FRMD4A: variants seen among roughly 807,000 people sequenced by gnomAD.
The protein encoded by FRMD4A is FERM domain-containing protein 4A.
A neutral mutation model predicts 129.1 loss-of-function variants in FRMD4A; 29 were observed. The observed-to-expected ratio is 0.22, with a 90% CI of 0.17 to 0.31. The LOEUF (loss-of-function observed/expected upper bound fraction) is 0.31. Among genes scored for constraint, FRMD4A ranks in the 10% least tolerant of loss-of-function variants. The pLI is 1.00. For missense variants in FRMD4A, 1,272 were observed against 1,375.8 expected (o/e 0.92, Z 1.19); for synonymous variants, 634 against 571.6 (o/e 1.11, Z -1.56).
rs552892332 is a variant in FRMD4A, at chr10:13,707,850, G to A, written c.760-737C>T. ...AGGGAGGGTGAGAAGTGGAATGAAG[G>A]GGCCCTGGCGGTCATTCCTCCTTCG... On this transcript the variant is annotated intron_variant, in intron 12 of 24. Coordinates refer to ENST00000357447, the MANE Select transcript of FRMD4A (RefSeq NM_018027.5). The A allele has an allele frequency of 5.2e-5, 51 of 985,310 alleles. No individual in the cohort carries two copies. In the South Asian group the frequency reaches 1.8e-3, roughly 35 times the overall value. 61.0% of individuals were successfully genotyped at this position (985,310 alleles called of 1,614,324 possible).
In FRMD4A at chr10:14,312,555, T is replaced by C. The variant is rs947122141; in HGVS notation, c.45+17503A>G. On this transcript the variant is annotated intron_variant, in intron 2 of 24. Transcript: ENST00000357447. ...AAAGATATATGCACATAAATGTTCA[T>C]TGCAGGATAGTTTATAATTATAAAA... 5.9e-5 allele frequency among the ~76,000 whole-genome samples: 9 copies of C among 152,210 alleles called. No homozygotes were observed. The East Asian group carries it at 9.6e-4, about 16-fold the overall frequency.
chr10:13,857,124 G>A (rs764700029), intron 3 of FRMD4A, among the ~76,000 whole-genome samples: 43 of 152,066 alleles, frequency 2.8e-4, no homozygotes, highest in Non-Finnish European at 1.3e-4. Flanking sequence ...TAAAACAGCC[G>A]TAATCTAAAA....
In FRMD4A at chr10:13,979,316, AG is replaced by A. The variant is rs143110186; in HGVS notation, c.46-120405del. Among the ~76,000 whole-genome samples the A allele has an allele frequency of 9.2e-3, 1,408 of 152,310 alleles. 12 individuals carry two copies. Among genetic ancestry groups the A allele is most frequent in the Non-Finnish European group, 0.012 (834 of 68,024 alleles). On this transcript the variant is annotated intron_variant, in intron 2 of 24. Transcript: ENST00000357447. ...AAAAGGAGGTCTGCTTGCTTGAGAA[AG>A]GGGTCCCCAGAGAGAAGGGCAGGTG... is the stretch of plus-strand genomic sequence containing the variant.
intron 2 of FRMD4A, among the ~76,000 whole-genome samples, chr10:13,916,242 A>G (rs929765436): frequency 2.0e-5 from 3 of 152,132 alleles, no homozygotes; most frequent in Non-Finnish European, 2.9e-5. Flanking sequence ...CAGCTCCATC[A>G]TCTGCCTGGT....
intron 2 of FRMD4A, among the ~76,000 whole-genome samples, chr10:13,999,735 C>T (rs560606674): frequency 6.6e-6 from 1 of 152,232 alleles, no homozygotes; most frequent in South Asian, 2.1e-4. Flanking sequence ...GCCCATGCAC[C>T]CAAAGGTGTT....
At chr10:13,818,412 C>T (rs1006639991) in intron 3 of FRMD4A, among the ~76,000 whole-genome samples, 29 of 152,176 alleles carry the variant, frequency 1.9e-4, no homozygotes, top group Non-Finnish European at 1.0e-4. Context: ...TCAAGTGACC[C>T]TTTTTCTTTG....
At chr10:13,726,434 T>C (rs2089899552) in intron 12 of FRMD4A, among the ~76,000 whole-genome samples, 1 of 152,218 alleles carries the variant, frequency 6.6e-6, no homozygotes, top group Non-Finnish European at 1.5e-5. Flanking sequence ...TAACTCAGAC[T>C]AAAATGTCTT....
At chr10:14,097,588 T>C (rs1294037872) in intron 2 of FRMD4A, among the ~76,000 whole-genome samples, 4 of 152,162 alleles carry the variant, frequency 2.6e-5, no homozygotes, top group African/African-American at 4.8e-5. Context: ...CTTTGGACTG[T>C]TGGATTCCAA....
intron 2 of FRMD4A, among the ~76,000 whole-genome samples, chr10:14,071,926 C>T (rs576425033): frequency 3.3e-5 from 5 of 152,100 alleles, no homozygotes; most frequent in East Asian, 1.9e-4. Flanking sequence ...TTTCCTTCCC[C>T]GTGTTGCAAG....
At chr10:14,126,234 G>A (rs544136149) in intron 2 of FRMD4A, among the ~76,000 whole-genome samples, 10 of 142,282 alleles carry the variant, frequency 7.0e-5, no homozygotes, top group Non-Finnish European at 9.0e-5. Context: ...GCAGTGGTGC[G>A]ATCTTGGCTC....
intron 2 of FRMD4A, among the ~76,000 whole-genome samples, chr10:13,966,624 G>T (rs923015197): frequency 6.6e-6 from 1 of 152,222 alleles, no homozygotes; most frequent in Non-Finnish European, 1.5e-5. Flanking sequence ...TCCCTCCAGG[G>T]CTGGGGCCGA....
At chr10:13,760,812 C>G (rs2092040608) in intron 8 of FRMD4A, among the ~76,000 whole-genome samples, 1 of 151,016 alleles carries the variant, frequency 6.6e-6, no homozygotes, top group East Asian at 1.9e-4. Context: ...CTTTCCTGTT[C>G]ATGTGGTTCA....
chr10:13,942,071 G>A (rs1255362721), intron 2 of FRMD4A, among the ~76,000 whole-genome samples: 1 of 152,118 alleles, frequency 6.6e-6, no homozygotes, highest in Non-Finnish European at 1.5e-5. Flanking sequence ...AAGACACCGC[G>A]CCCTGTTCCA....
In FRMD4A at chr10:13,923,412, CT is replaced by C. The variant is rs1589283736; in HGVS notation, c.46-64501del. On this transcript the variant is annotated intron_variant, in intron 2 of 24. Coordinates refer to ENST00000357447, the MANE Select transcript of FRMD4A (RefSeq NM_018027.5). ...TCCTTCCAAACTACTAGTACCACAA[CT>C]TTAGACTTAGGCTCTGTGGGCAGGT... is the stretch of plus-strand genomic sequence containing the variant. Among the ~76,000 whole-genome samples the C allele has an allele frequency of 3.3e-5, 5 of 152,336 alleles. No individual in the cohort carries two copies. In the East Asian group the frequency reaches 9.6e-4, roughly 29 times the overall value.
At chr10:14,033,602 A>G (rs1345923210) in intron 2 of FRMD4A, among the ~76,000 whole-genome samples, 1 of 151,788 alleles carries the variant, frequency 6.6e-6, no homozygotes, top group East Asian at 1.9e-4. Context: ...CTGGCCAACA[A>G]GGCGAAACCC....
chr10:13,918,175 T>C (rs1259292064), intron 2 of FRMD4A, among the ~76,000 whole-genome samples: 3 of 152,230 alleles, frequency 2.0e-5, no homozygotes, highest in Non-Finnish European at 2.9e-5. Context: ...TTTCCCTGTA[T>C]TAGAATGTGG....
intron 2 of FRMD4A, among the ~76,000 whole-genome samples, chr10:14,166,964 G>T (rs1195650310): frequency 6.6e-6 from 1 of 152,112 alleles, no homozygotes; most frequent in Non-Finnish European, 1.5e-5. Context: ...AGGCTTAAAA[G>T]GATGAACAAC....
chr10:14,253,644 C>T, intron 2 of FRMD4A, among the ~76,000 whole-genome samples: 1 of 152,212 alleles, frequency 6.6e-6, no homozygotes, highest in East Asian at 1.9e-4. Context: ...AAACTCTCCC[C>T]TTACCCAGCT....
chr10:13,948,934 G>A (rs930526303), intron 2 of FRMD4A, among the ~76,000 whole-genome samples: 2 of 150,548 alleles, frequency 1.3e-5, no homozygotes, highest in African/African-American at 4.9e-5. Flanking sequence ...ACAGGTGTGA[G>A]CCACTGCGCC....
Sources: gnomAD v4.1 joint callset for allele counts (sites outside exome capture counted in the v4.1 genomes callset) on GRCh38, gnomAD v4.1.1 for gene constraint, MANE v1.5 for transcripts, NCBI Gene and HGNC (gene_info 2026-07-23, HGNC 2026-07-21) for gene names.